CSMD2: variants seen among roughly 807,000 people sequenced by gnomAD.
CSMD2 encodes the protein CUB and sushi domain-containing protein 2.
In CSMD2, 130 loss-of-function variants were observed where a neutral mutation model predicts 398.5. The observed-to-expected ratio is 0.33, with a 90% confidence interval of 0.28 to 0.38. The LOEUF (loss-of-function observed/expected upper bound fraction) is 0.38. Among genes scored for constraint, CSMD2 ranks in the 10% least tolerant of loss-of-function variants. The pLI is 1.00. For missense variants in CSMD2, 3,829 were observed against 4,764.9 expected (o/e 0.80, Z 5.78); for synonymous variants, 1,828 against 1,908.5 (o/e 0.96, Z 1.10).
chr1:33,529,377 T>C (rs1655050946), intron 64 of CSMD2, among the ~76,000 whole-genome samples: 1 of 152,138 alleles, frequency 6.6e-6, no homozygotes, highest in Non-Finnish European at 1.5e-5. Flanking sequence ...ACTTGCCAAT[T>C]TGAAAACCTA....
Position 33,515,938 on chromosome 1 carries a change from A to G in CSMD2, c.*686T>C, listed in dbSNP as rs1210468288. 1 of 152,184 alleles carries G rather than the reference A, an allele frequency of 6.6e-6. No individual in the cohort carries two copies. The highest frequency in any genetic ancestry group is 1.5e-5 in the Non-Finnish European group (1 of 68,038). The allele number at this position is 152,184 out of a possible 1,614,324, so 9.4% of individuals were successfully genotyped here. On this transcript the variant is annotated 3_prime_UTR_variant, in exon 71 of 71. Coordinates refer to ENST00000373381, the MANE Select transcript of CSMD2 (RefSeq NM_001281956.2). The stretch of plus-strand genomic sequence containing the variant: ...CTCAATAAAACAGTGTTTGAAAAAA[A>G]TAAAGAAACTGATTTTCAATCTATT...
chr1:34,102,205 T>A (rs1251949562), intron 1 of CSMD2, among the ~76,000 whole-genome samples: 1 of 152,146 alleles, frequency 6.6e-6, no homozygotes. Context: ...TAATTTTTTT[T>A]ACTTTTAGTA....
At chr1:33,951,148 A>G (rs1644996262) in intron 3 of CSMD2, among the ~76,000 whole-genome samples, 4 of 152,220 alleles carry the variant, frequency 2.6e-5, no homozygotes, top group Admixed American at 2.6e-4. Flanking sequence ...GTCTGTTAGC[A>G]CACATCTCCA....
At chr1:34,017,584 C>G (rs1001584681) in intron 3 of CSMD2, among the ~76,000 whole-genome samples, 1 of 152,126 alleles carries the variant, frequency 6.6e-6, no homozygotes, top group African/African-American at 2.4e-5. Context: ...TAGCAAGATA[C>G]CATCTCTACA....
In CSMD2 at chr1:33,680,918, C is replaced by CTTTTTTTTTTTTT. The variant is rs66489770; in HGVS notation, c.4052+11999_4052+12011dup. On this transcript the variant is annotated intron_variant, in intron 25 of 70. Transcript: ENST00000373381. The stretch of plus-strand genomic sequence containing the variant: ...CTTATTTCCATCATCCTGTTTTATG[C>CTTTTTTTTTTTTT]TTTTTTTTTTTTTTTTTTTTTTTTG... 1.7e-3 allele frequency among the ~76,000 whole-genome samples: 132 copies of CTTTTTTTTTTTTT among 75,938 alleles called. 9 individuals carry two copies. The highest frequency in any genetic ancestry group is 2.1e-3 in the Admixed American group (9 of 4,274). The allele number at this position is 75,938 out of a possible 152,430, so 49.8% of individuals were successfully genotyped here. A position where few individuals can be genotyped will look rare whatever the true frequency, so the allele number is the denominator to read the frequency against.
At chr1:33,822,302 G>A (rs1040717601) in intron 7 of CSMD2, among the ~76,000 whole-genome samples, 1 of 152,112 alleles carries the variant, frequency 6.6e-6, no homozygotes, top group Non-Finnish European at 1.5e-5. Context: ...GGATTTCCAG[G>A]GCCTGGGTAC....
At chr1:33,825,960 G>A (rs2125016098) in intron 6 of CSMD2, among the ~76,000 whole-genome samples, 186 bp from the exon 7 acceptor site, 1 of 152,318 alleles carries the variant, frequency 6.6e-6, no homozygotes, top group South Asian at 2.1e-4. Flanking sequence ...TGAAGGAAAA[G>A]TTACTATCAA....
Position 33,605,961 on chromosome 1 carries a change from G to A in CSMD2, c.6344-491C>T. 2.5e-6 allele frequency: 4 copies of A among 1,613,746 alleles called. No homozygotes were observed. In the South Asian group the frequency reaches 4.4e-5, roughly 18 times the overall value. On this transcript the variant is annotated intron_variant, in intron 41 of 70. Transcript: ENST00000373381. ...CGAGAGATCAAAACCTCTCAGGAAG[G>A]AAGAAATCTGGTGGGAGTAAGTCAA...
rs552262592 is a variant in CSMD2, at chr1:34,094,525, A to G, written c.188-5332T>C. 4.1e-3 allele frequency among the ~76,000 whole-genome samples: 618 copies of G among 152,216 alleles called. 5 individuals are homozygous for G. The highest frequency in any genetic ancestry group is 0.014 in the African/African-American group (585 of 41,520). ...TATTCAGGAAACCCATCTCATGTGC[A>G]GAGACACACATAGGCTCAAAATAAA... On this transcript the variant is annotated intron_variant, in intron 1 of 70. Coordinates refer to ENST00000373381, the MANE Select transcript of CSMD2 (RefSeq NM_001281956.2).
chr1:33,611,140 C>A lies in CSMD2; in HGVS notation c.6244G>T (p.Glu2082Ter). 6.2e-7 allele frequency: 1 copy of A among 1,613,850 alleles called. No individual in the cohort carries two copies. The highest frequency in any genetic ancestry group is 1.1e-5 in the South Asian group (1 of 91,028). The change falls in exon 41 of 71, where the codon GAG (glutamate) becomes TAG (stop). Residue 2082 changes from glutamate to a stop codon, truncating the protein, a stop_gained. Coordinates refer to ENST00000373381, the MANE Select transcript of CSMD2 (RefSeq NM_001281956.2). LOFTEE classifies it high-confidence loss of function. ...GTGGAGAGGAGGGAGCTTGGAAGCT[C>A]GCTTCCACTGAATCTTCCCATCATG... is the stretch of plus-strand genomic sequence containing the variant. ...SRMMGRFSGS[E>*]LPSSLLSTSH...
intron 45 of CSMD2, among the ~76,000 whole-genome samples, 195 bp from the exon 46 acceptor site, chr1:33,586,812 C>T (rs1173975706): frequency 6.6e-6 from 1 of 152,226 alleles, no homozygotes; most frequent in African/African-American, 2.4e-5. Flanking sequence ...CAGAATGTTT[C>T]ATATTCCAGG....
chr1:33,759,217 G>A (rs1649458071), intron 13 of CSMD2, among the ~76,000 whole-genome samples: 1 of 152,086 alleles, frequency 6.6e-6, no homozygotes, highest in Non-Finnish European at 1.5e-5. Context: ...TAAGTGGAAA[G>A]GCATTGAGGT....
intron 44 of CSMD2, among the ~76,000 whole-genome samples, chr1:33,590,098 T>C (rs1013392210): frequency 1.3e-5 from 2 of 149,710 alleles, no homozygotes; most frequent in Non-Finnish European, 1.5e-5. Flanking sequence ...ACTGTTTTGA[T>C]TGGGGTGATT....
At chr1:33,928,191 C>G (rs1644192635) in intron 4 of CSMD2, among the ~76,000 whole-genome samples, 1 of 152,290 alleles carries the variant, frequency 6.6e-6, no homozygotes, top group East Asian at 1.9e-4. Context: ...GGCTGTTAGG[C>G]ACGTGGACTT....
intron 49 of CSMD2, among the ~76,000 whole-genome samples, chr1:33,576,286 C>T (rs6425829): frequency 6.6e-6 from 1 of 151,868 alleles, no homozygotes. Flanking sequence ...ATAATGGTGA[C>T]GAAGTATAAT....
In CSMD2 at chr1:33,627,470, G is replaced by A. The variant is rs556895586; in HGVS notation, c.5201-889C>T. On this transcript the variant is annotated intron_variant, in intron 32 of 70. Transcript: ENST00000373381. ...GCAGCCTCAGGGACCCCTGAGAAGC[G>A]CTGCTGACCCCAGACCCCATTCTCA... Among the ~76,000 whole-genome samples the A allele has an allele frequency of 1.6e-4, 25 of 152,206 alleles. 1 individual carries two copies. The South Asian group carries it at 2.5e-3, about 15-fold the overall frequency.
chr1:33,873,456 A>C (rs1229202002), intron 5 of CSMD2: 3 of 152,206 alleles, frequency 2.0e-5, no homozygotes, highest in Non-Finnish European at 2.9e-5. Flanking sequence ...AAGTGATAGA[A>C]TGTCACTTCT....
intron 37 of CSMD2, among the ~76,000 whole-genome samples, chr1:33,619,777 C>A (rs1268288572): frequency 6.6e-6 from 1 of 151,970 alleles, no homozygotes; most frequent in Non-Finnish European, 1.5e-5. Context: ...GAGCCTTGTC[C>A]AAAACTCTCA....
chr1:33,936,838 G>A (rs1018164873), intron 3 of CSMD2, among the ~76,000 whole-genome samples: 1 of 152,158 alleles, frequency 6.6e-6, no homozygotes, highest in Admixed American at 6.5e-5. Context: ...ACCCCCATGG[G>A]GTGAGGAGTA....
Sources: allele counts gnomAD v4.1 joint callset (sites outside exome capture counted in the v4.1 genomes callset), GRCh38; gene constraint gnomAD v4.1.1; transcripts MANE v1.5; gene names NCBI Gene and HGNC (gene_info 2026-07-23, HGNC 2026-07-21).